Variants in PARD3B observed in about 807,000 individuals in gnomAD.
The protein encoded by PARD3B is par-3 family cell polarity regulator beta, also known as partitioning defective 3 homolog B.
PARD3B carries 103 observed loss-of-function variants against 130.2 expected under a neutral mutation model. That is an observed-to-expected ratio of 0.79 (90% confidence interval 0.67 to 0.93). The LOEUF (loss-of-function observed/expected upper bound fraction) is 0.93, where lower values mean the gene tolerates loss of function less well. Among genes scored for constraint, PARD3B ranks in the 40% least tolerant of loss-of-function variants. The pLI, the probability that PARD3B is intolerant of heterozygous loss-of-function variation, is 0.00. For missense variants in PARD3B, 1,609 were observed against 1,499.2 expected, an observed-to-expected ratio of 1.07 and a Z score of -1.21; for synonymous variants, 583 against 553.2, an observed-to-expected ratio of 1.05 and a Z score of -0.76.
At chr2:205,150,149 T>C (rs2033642648) in intron 10 of PARD3B, among the ~76,000 whole-genome samples, 3 of 151,406 alleles carry the variant, frequency 2.0e-5, no homozygotes, top group African/African-American at 7.3e-5. Context: ...GAATAACAAG[T>C]AATGAAAAGA....
chr2:205,323,865 T>G (rs2042844039), intron 18 of PARD3B, among the ~76,000 whole-genome samples: 1 of 152,178 alleles, frequency 6.6e-6, no homozygotes, highest in South Asian at 2.1e-4. Context: ...TTTCTAGTAC[T>G]CTCTAGCTAG....
chr2:205,257,788 C>G (rs1179667546), intron 16 of PARD3B, among the ~76,000 whole-genome samples: 1 of 152,114 alleles, frequency 6.6e-6, no homozygotes, highest in Non-Finnish European at 1.5e-5. Context: ...TTGAAAAGCA[C>G]TGATTAATTC....
chr2:204,763,515 C>T (rs1467984587), intron 2 of PARD3B, among the ~76,000 whole-genome samples: 1 of 152,000 alleles, frequency 6.6e-6, no homozygotes, highest in Non-Finnish European at 1.5e-5. Flanking sequence ...AAAGTGGTTT[C>T]CATTAAACTG....
intron 3 of PARD3B, among the ~76,000 whole-genome samples, chr2:205,029,559 T>C (rs1368161597): frequency 1.3e-5 from 2 of 152,224 alleles, no homozygotes; most frequent in African/African-American, 4.8e-5. Flanking sequence ...TTCAGTCTGC[T>C]ATGAAGCCCT....
In PARD3B at chr2:205,146,548, G is replaced by C. The variant is rs2033375003; in HGVS notation, c.1435-12174G>C. Among the ~76,000 whole-genome samples the C allele has an allele frequency of 1.3e-5, 2 of 151,760 alleles. No individual in the cohort carries two copies. The highest frequency in any genetic ancestry group is 2.9e-5 in the Non-Finnish European group (2 of 67,968). On this transcript the variant is annotated intron_variant, in intron 10 of 22. Coordinates refer to ENST00000406610, the MANE Select transcript of PARD3B (RefSeq NM_001302769.2). This position sits in a 1 kb window ranked among gnomAD's most constrained non-coding sequence, Gnocchi z 4.3. ...CGCCTGTAGTCCCAGCTACTCGGGA[G>C]GCTGAGGCAGGAGAATGGCGTGAAC...
rs1002008825 is a variant in PARD3B, at chr2:205,258,198, A to G, written c.2185+12376A>G. Among the ~76,000 whole-genome samples the G allele has an allele frequency of 6.6e-6, 1 of 152,126 alleles. No individual in the cohort carries two copies. The highest frequency in any genetic ancestry group is 1.5e-5 in the Non-Finnish European group (1 of 68,028). On this transcript the variant is annotated intron_variant, in intron 16 of 22. Transcript: ENST00000406610. This position sits in a 1 kb window ranked among gnomAD's most constrained non-coding sequence, Gnocchi z 4.9. ...TTTCCTCTCTTAAGCCCTGACATTT[A>G]CCAGCAGGAAATCAGGTTGATCCCA... is the stretch of plus-strand genomic sequence containing the variant.
rs945210806 is a variant in PARD3B, at chr2:204,850,843, G to T, written c.223-114309G>T. On this transcript the variant is annotated intron_variant, in intron 2 of 22. Coordinates refer to ENST00000406610, the MANE Select transcript of PARD3B (RefSeq NM_001302769.2). ...AATGTCTTACAGTGCTCCACACATG[G>T]TATACGCCTGTTTTTGTATTGGTAG... is the stretch of plus-strand genomic sequence containing the variant. Among the ~76,000 whole-genome samples, 39 of 152,152 alleles carry T rather than the reference G, an allele frequency of 2.6e-4. 2 individuals are homozygous for T. The highest frequency in any genetic ancestry group is 2.4e-3 in the Admixed American group (37 of 15,276).
intron 15 of PARD3B, among the ~76,000 whole-genome samples, chr2:205,197,028 GGGGGGTGTGT>G (rs1349169133): frequency 8.4e-4 from 8 of 9,488 alleles, no homozygotes; most frequent in East Asian, 6.8e-3. Context: ...CACTGTGGGG[GGGGGGTGTGT>G]GTGTGTGTGT....
rs568047062 is a variant in PARD3B at position 205,383,113 on chromosome 2, T to C, written c.2631-17900T>C. Among the ~76,000 whole-genome samples the C allele has an allele frequency of 1.1e-3, 165 of 149,564 alleles. 1 individual carries two copies. The highest frequency in any genetic ancestry group is 3.9e-3 in the African/African-American group (159 of 40,854). On this transcript the variant is annotated intron_variant, in intron 18 of 22. Coordinates refer to ENST00000406610, the MANE Select transcript of PARD3B (RefSeq NM_001302769.2). ...ATAGATAGATAGATAGATAGATAGA[T>C]AGATAGATAGATAGATAGATAGATA...
At position 204,820,324 on chromosome 2, in the gene PARD3B, C is replaced by G. The variant is rs1178774374; in HGVS notation, c.222+134042C>G. On this transcript the variant is annotated intron_variant, in intron 2 of 22. Coordinates refer to ENST00000406610, the MANE Select transcript of PARD3B (RefSeq NM_001302769.2). The stretch of plus-strand genomic sequence containing the variant: ...ACTCCCGACCTTAAGTGATCCACCC[C>G]CCTTGGCCTCCCAAAGTGCTGGGAT... 2.0e-5 allele frequency among the ~76,000 whole-genome samples: 3 copies of G among 151,364 alleles called. No individual in the cohort carries two copies. The East Asian group carries it at 6.0e-4, about 30-fold the overall frequency.
At chr2:205,602,337 C>T (rs2054819738) in intron 22 of PARD3B, among the ~76,000 whole-genome samples, 1 of 152,158 alleles carries the variant, frequency 6.6e-6, no homozygotes, top group South Asian at 2.1e-4. Context: ...CTGAAGTTTC[C>T]TCTTTTTGTT....
intron 4 of PARD3B, among the ~76,000 whole-genome samples, chr2:205,053,196 T>C (rs1174611232): frequency 6.6e-6 from 1 of 152,100 alleles, no homozygotes; most frequent in Non-Finnish European, 1.5e-5. Flanking sequence ...TTATTGTCAG[T>C]ATTGCCCCTG....
intron 3 of PARD3B, among the ~76,000 whole-genome samples, chr2:204,989,954 T>G (rs1693508662): frequency 6.6e-6 from 1 of 152,126 alleles, no homozygotes; most frequent in Admixed American, 6.6e-5. Flanking sequence ...AATGAAATTG[T>G]TTGTTTATAG....
chr2:205,251,590 A>G (rs565754108), intron 16 of PARD3B, among the ~76,000 whole-genome samples: 1 of 152,352 alleles, frequency 6.6e-6, no homozygotes, highest in East Asian at 1.9e-4. Context: ...ATGACATTTC[A>G]TAAATTGTGT....
intron 19 of PARD3B, among the ~76,000 whole-genome samples, chr2:205,427,424 G>T (rs1417901204): frequency 6.6e-6 from 1 of 152,224 alleles, no homozygotes; most frequent in Non-Finnish European, 1.5e-5. Flanking sequence ...AGAATACTAT[G>T]AAGCATTTTA....
intron 2 of PARD3B, among the ~76,000 whole-genome samples, chr2:204,742,905 T>G (rs953976591): frequency 2.0e-5 from 3 of 152,194 alleles, no homozygotes; most frequent in African/African-American, 4.8e-5. Context: ...TATCATTGTT[T>G]TAACAAGTAA....
At chr2:205,098,571 A>G (rs533721696) in intron 4 of PARD3B, among the ~76,000 whole-genome samples, 1 of 152,232 alleles carries the variant, frequency 6.6e-6, no homozygotes, top group South Asian at 2.1e-4. Context: ...AAAAGTATCA[A>G]TAGTGTTAAG....
intron 2 of PARD3B, among the ~76,000 whole-genome samples, chr2:204,786,295 G>T (rs897583911): frequency 1.4e-4 from 22 of 152,072 alleles, no homozygotes; most frequent in African/African-American, 4.6e-4. Context: ...AATTCATGGT[G>T]TCTTTTATGT....
intron 16 of PARD3B, among the ~76,000 whole-genome samples, chr2:205,252,840 C>A (rs1434574723): frequency 1.8e-4 from 8 of 44,682 alleles, no homozygotes; most frequent in Non-Finnish European, 2.9e-4. Flanking sequence ...CTGAAGGGAC[C>A]CCCCCCCCCC....
Sources: allele counts gnomAD v4.1 joint callset (sites outside exome capture counted in the v4.1 genomes callset), GRCh38; gene constraint gnomAD v4.1.1; non-coding constraint Gnocchi (gnomAD v3.1); transcripts MANE v1.5; gene names NCBI Gene and HGNC (gene_info 2026-07-23, HGNC 2026-07-21).